Variants in RDH11 observed in about 807,000 individuals in gnomAD.
The protein encoded by RDH11 is retinol dehydrogenase 11.
RDH11 carries 19 observed loss-of-function variants against 33.4 expected under a neutral mutation model. That is an observed-to-expected ratio of 0.57 (90% CI 0.40 to 0.83). The LOEUF (loss-of-function observed/expected upper bound fraction) is 0.83. RDH11 is among the 40% of genes least tolerant of loss of function. RDH11 has a pLI of 0.00. For missense variants in RDH11, 353 were observed against 389.0 expected (o/e 0.91, Z 0.78); for synonymous variants, 154 against 155.3 (o/e 0.99, Z 0.06).
At chr14:67,693,502 G>A (rs1191612606) in intron 1 of RDH11, among the ~76,000 whole-genome samples, 2 of 147,802 alleles carry the variant, frequency 1.4e-5, no homozygotes, top group Non-Finnish European at 3.0e-5. Context: ...TGTGACTCTG[G>A]GACAAAATAA....
Position 67,676,868 on chromosome 14 carries a change from AAG to A in RDH11, c.*1451_*1452del, listed in dbSNP as rs1375093429. The A allele has an allele frequency of 5.9e-5, 9 of 152,254 alleles. No individual in the cohort carries two copies. The highest frequency in any genetic ancestry group is 2.1e-4 in the South Asian group (1 of 4,836). The allele number at this position is 152,254 out of a possible 1,614,324, so 9.4% of individuals were successfully genotyped here. ...TAAATGAAAACAAAAAATAATCAAA[AAG>A]AATTTTTATTTGTCATTGACAGTTC... is the stretch of plus-strand genomic sequence containing the variant. On this transcript the variant is annotated 3_prime_UTR_variant, in exon 7 of 7. Transcript: ENST00000381346.
rs368200377 is a variant in RDH11, at chr14:67,690,850, C to T, written c.454+290G>A. 1.4e-4 allele frequency: 56 copies of T among 412,958 alleles called. 1 individual carries two copies. The highest frequency in any genetic ancestry group is 1.1e-3 in the African/African-American group (54 of 49,922). 25.6% of individuals were successfully genotyped at this position (412,958 alleles called of 1,614,324 possible). On this transcript the variant is annotated intron_variant, in intron 4 of 6. Coordinates refer to ENST00000381346, the MANE Select transcript of RDH11 (RefSeq NM_016026.4). The stretch of plus-strand genomic sequence containing the variant: ...AAGAGCAGATGACCTATACCTGATG[C>T]TGGCCACAAGGATCACTACTAAGAA...
intron 5 of RDH11, among the ~76,000 whole-genome samples, chr14:67,689,896 G>A (rs1406424793): frequency 6.6e-6 from 1 of 151,898 alleles, no homozygotes; most frequent in Admixed American, 6.6e-5. Context: ...AGTGAGCCGA[G>A]ATTGCACCAT....
intron 6 of RDH11, among the ~76,000 whole-genome samples, chr14:67,681,984 A>C (rs1027331373): frequency 6.6e-6 from 1 of 152,170 alleles, no homozygotes; most frequent in Non-Finnish European, 1.5e-5. Context: ...CTATCATGGG[A>C]GTGGGTTTGT....
chr14:67,693,104 A>G (rs993087640), intron 1 of RDH11, 52 bp from the exon 2 acceptor site: 2 of 1,299,142 alleles, frequency 1.5e-6, no homozygotes, highest in Non-Finnish European at 2.2e-6. Context: ...TGTCTCAGCC[A>G]GTAGGTTCCT....
chr14:67,692,772 C>T, intron 2 of RDH11, 162 bp downstream of exon 2: 1 of 859,214 alleles, frequency 1.2e-6, no homozygotes, highest in East Asian at 2.6e-5. Flanking sequence ...ATTAAGGGTC[C>T]ATTATATGTA....
At chr14:67,694,349 G>C (rs1462939686) in intron 1 of RDH11, among the ~76,000 whole-genome samples, 2 of 151,582 alleles carry the variant, frequency 1.3e-5, no homozygotes, top group Non-Finnish European at 2.9e-5. Context: ...TCCTTAACCA[G>C]CAGGAATGAA....
rs1423703767 is a variant in RDH11, at chr14:67,678,337, C to T, written c.941G>A (p.Gly314Asp). 1 of 1,612,588 alleles carries T rather than the reference C, an allele frequency of 6.2e-7. No homozygotes were observed. The highest frequency in any genetic ancestry group is 2.2e-5 in the East Asian group (1 of 44,872). Residue 314 changes from glycine (G) to aspartate (D), a missense_variant, in exon 7 of 7, where the codon GGC (glycine) becomes GAC (aspartate). Coordinates refer to ENST00000381346, the MANE Select transcript of RDH11 (RefSeq NM_016026.4). The part of the protein sequence containing the change: ...RLWDVSCDLL[G>D]LPID ...CACTGCCTGTTAGTCTATTGGGAGG[C>T]CCAGCAGGTCACAACTGACGTCCCA... is the stretch of plus-strand genomic sequence containing the variant.
intron 4 of RDH11, chr14:67,690,780 T>A (rs997667941): frequency 1.3e-5 from 5 of 378,874 alleles, no homozygotes; most frequent in African/African-American, 4.1e-5. Flanking sequence ...GCCAGGAGTT[T>A]AAGTACAGCC....
intron 5 of RDH11, among the ~76,000 whole-genome samples, chr14:67,687,842 T>C (rs2037701050): frequency 1.3e-5 from 2 of 151,540 alleles, no homozygotes. Flanking sequence ...GGCATGATCT[T>C]GGCTCACTGC....
In RDH11 at chr14:67,694,516, A is replaced by AT. The variant is rs199846421; in HGVS notation, c.74+1113dup. ...TATATATATATATATACACACATAT[A>AT]TTTTTTTTTTTTCCAGAAAAATCCC... On this transcript the variant is annotated intron_variant, in intron 1 of 6. Coordinates refer to ENST00000381346, the MANE Select transcript of RDH11 (RefSeq NM_016026.4). Among the ~76,000 whole-genome samples the AT allele has an allele frequency of 9.3e-3, 1,284 of 138,468 alleles. 15 individuals carry two copies. Among genetic ancestry groups the AT allele is most frequent in the Middle Eastern group, 0.026 (7 of 274 alleles). 90.8% of individuals were successfully genotyped at this position (138,468 alleles called of 152,430 possible).
At chr14:67,685,698 C>G (rs2037669696) in intron 5 of RDH11, among the ~76,000 whole-genome samples, 1 of 151,952 alleles carries the variant, frequency 6.6e-6, no homozygotes, top group South Asian at 2.1e-4. Context: ...TTCCTTCTGC[C>G]ACTGCCTTCC....
At chr14:67,694,989 G>T (rs1236755965) in intron 1 of RDH11, among the ~76,000 whole-genome samples, 1 of 152,090 alleles carries the variant, frequency 6.6e-6, no homozygotes, top group East Asian at 1.9e-4. Flanking sequence ...TCTATCACCT[G>T]GTCAATACCT....
intron 6 of RDH11, among the ~76,000 whole-genome samples, chr14:67,684,131 G>A (rs537533208): frequency 2.6e-5 from 4 of 151,784 alleles, no homozygotes; most frequent in South Asian, 2.1e-4. Context: ...AGTTGCTAAA[G>A]CACAGACCAG....
chr14:67,678,427 G>A lies in RDH11; in HGVS notation c.855-4C>T. 1 of 1,597,252 alleles carries A rather than the reference G, an allele frequency of 6.3e-7. No individual in the cohort carries two copies. The highest frequency in any genetic ancestry group is 8.6e-7 in the Non-Finnish European group (1 of 1,164,804). ...GACCCATGCCACATGACAGTCACTGGAAGGTAAAGAGAAAGGTATGAAGCA... is the reference window on the plus strand; with the variant it reads ...GACCCATGCCACATGACAGTCACTGAAAGGTAAAGAGAAAGGTATGAAGCA... On this transcript the variant is annotated splice_polypyrimidine_tract_variant and splice_region_variant and intron_variant, in intron 6 of 6. Transcript: ENST00000381346.
At chr14:67,691,270 G>A in intron 3 of RDH11, 26 bp from the exon 4 acceptor site, 2 of 1,549,476 alleles carry the variant, frequency 1.3e-6, no homozygotes, top group Non-Finnish European at 1.8e-6. Context: ...GATGGAGCGT[G>A]GAAGTGGCTA....
At position 67,690,220 on chromosome 14, in the gene RDH11, C is replaced by T. The variant is rs1267643496; in HGVS notation, c.656G>A (p.Arg219Lys). 1.2e-6 allele frequency: 2 copies of T among 1,613,094 alleles called. No individual in the cohort carries two copies. The highest frequency in any genetic ancestry group is 1.7e-5 in the Admixed American group (1 of 60,018). The change falls in exon 5 of 7, where the codon AGA becomes AAA. Residue 219 changes from arginine (R) to lysine (K), a missense_variant. Arg to Lys is a conservative substitution (Grantham distance 26). Transcript: ENST00000381346. The part of the protein sequence containing the change: ...NILFTQELAR[R>K]LKGSGVTTYS... Reference sequence around the variant, plus strand: ...ATTTCCTCTAGGCCCACCTTTTAGTCTCCGGGCCAGTTCCTGGGTGAAGAG... The same window carrying T: ...ATTTCCTCTAGGCCCACCTTTTAGTTTCCGGGCCAGTTCCTGGGTGAAGAG...
rs540386135 is a variant in RDH11 at position 67,685,299 on chromosome 14, A to AT, written c.665-96_665-95insA. Reference sequence around the variant, plus strand: ...GGATGTAAATAAGCATGTGACCTTCACATATGGACTCTTTTGCCCATGGTG... The same window carrying AT: ...GGATGTAAATAAGCATGTGACCTTCATCATATGGACTCTTTTGCCCATGGTG... On this transcript the variant is annotated intron_variant, in intron 5 of 6. Transcript: ENST00000381346. The AT allele has an allele frequency of 9.2e-5, 86 of 930,208 alleles. No individual in the cohort carries two copies. The Admixed American group carries it at 1.7e-3, about 18-fold the overall frequency. The allele number at this position is 930,208 out of a possible 1,614,324, so 57.6% of individuals were successfully genotyped here. A position where few individuals can be genotyped will look rare whatever the true frequency, so the allele number is the denominator to read the frequency against.
chr14:67,695,667 G>T lies in RDH11; in HGVS notation c.37C>A (p.Leu13Met). 3.7e-6 allele frequency: 6 copies of T among 1,614,228 alleles called. No individual in the cohort carries two copies. Among genetic ancestry groups the T allele is most frequent in the Non-Finnish European group, 5.1e-6 (6 of 1,180,040 alleles). ...GCAGCCATATACAGAAGGAAGGGCA[G>T]AAGGAGGAGCAACAGCGGGAACATG... ...ELMFPLLLLL[L>M]PFLLYMAAPQ... The change falls in exon 1 of 7, where the codon CTG becomes ATG. Residue 13 changes from leucine (L) to methionine (M), a missense_variant. By Grantham distance (15) the Leu-to-Met change is conservative (BLOSUM62 2). Transcript: ENST00000381346.
Sources: gnomAD v4.1 joint callset for allele counts (sites outside exome capture counted in the v4.1 genomes callset) on GRCh38, gnomAD v4.1.1 for gene constraint, MANE v1.5 for transcripts, NCBI Gene and HGNC (gene_info 2026-07-23, HGNC 2026-07-21) for gene names.